KCND2: variants seen among roughly 807,000 people sequenced by gnomAD.
KCND2 encodes the protein A-type voltage-gated potassium channel KCND2.
In KCND2, 16 loss-of-function variants were observed where a neutral mutation model predicts 54.4. That is an observed-to-expected ratio of 0.29 (90% CI 0.20 to 0.45). The LOEUF is 0.45. KCND2 is among the 20% of genes least tolerant of loss of function. The pLI, the probability that KCND2 is intolerant of heterozygous loss-of-function variation, is 1.00. For missense variants in KCND2, 486 were observed against 824.2 expected, an observed-to-expected ratio of 0.59 and a Z score of 5.02; for synonymous variants, 317 against 310.7, an observed-to-expected ratio of 1.02 and a Z score of -0.21.
chr7:120,485,463 C>T (rs894029615), intron 1 of KCND2, among the ~76,000 whole-genome samples: 1 of 152,098 alleles, frequency 6.6e-6, no homozygotes, highest in South Asian at 2.1e-4. Context: ...TCTGCAGGTA[C>T]CTGGTAATGA....
chr7:120,614,421 G>C (rs1006040066), intron 1 of KCND2, among the ~76,000 whole-genome samples: 1 of 152,188 alleles, frequency 6.6e-6, no homozygotes, highest in Admixed American at 6.5e-5. Flanking sequence ...TTTGACCTCA[G>C]CTCCCCTTCA....
intron 1 of KCND2, among the ~76,000 whole-genome samples, chr7:120,593,447 T>C (rs1205488917): frequency 6.6e-6 from 1 of 152,028 alleles, no homozygotes; most frequent in Non-Finnish European, 1.5e-5. Flanking sequence ...TATCACAGAA[T>C]CCTATCAAAA....
intron 1 of KCND2, among the ~76,000 whole-genome samples, chr7:120,353,619 A>G (rs1174661210): frequency 6.6e-6 from 1 of 152,104 alleles, no homozygotes; most frequent in African/African-American, 2.4e-5. Flanking sequence ...TTGAAATAAG[A>G]CTATCTATAG....
At chr7:120,698,705 A>G (rs1792362374) in intron 1 of KCND2, among the ~76,000 whole-genome samples, 1 of 152,228 alleles carries the variant, frequency 6.6e-6, no homozygotes, top group Admixed American at 6.5e-5. Flanking sequence ...GCAAATCCTA[A>G]TGTCAGACCC....
At chr7:120,712,029 C>A (rs1792544746) in intron 1 of KCND2, among the ~76,000 whole-genome samples, 1 of 151,592 alleles carries the variant, frequency 6.6e-6, no homozygotes, top group Non-Finnish European at 1.5e-5. Flanking sequence ...TGCTTCCTTC[C>A]AATTTAAAAG....
intron 1 of KCND2, among the ~76,000 whole-genome samples, chr7:120,393,958 A>G (rs1008635566): frequency 6.6e-6 from 1 of 152,026 alleles, no homozygotes; most frequent in Non-Finnish European, 1.5e-5. Context: ...GATAAATTAT[A>G]TCAGGCAGAT....
At chr7:120,402,864 T>A (rs1801285303) in intron 1 of KCND2, among the ~76,000 whole-genome samples, 1 of 152,222 alleles carries the variant, frequency 6.6e-6, no homozygotes, top group Non-Finnish European at 1.5e-5. Flanking sequence ...AGATTAAACA[T>A]CTTCTTTTAA....
At chr7:120,605,023 T>C (rs1243533889) in intron 1 of KCND2, among the ~76,000 whole-genome samples, 1 of 152,244 alleles carries the variant, frequency 6.6e-6, no homozygotes, top group East Asian at 1.9e-4. Flanking sequence ...AGATTATTAC[T>C]ATTAATTAAT....
At chr7:120,634,797 G>A (rs898379775) in intron 1 of KCND2, among the ~76,000 whole-genome samples, 6 of 152,260 alleles carry the variant, frequency 3.9e-5, no homozygotes, top group African/African-American at 1.4e-4. Context: ...AAGTCCTGAT[G>A]AGGCTCCCAA....
intron 1 of KCND2, among the ~76,000 whole-genome samples, chr7:120,660,044 T>G (rs1791847579): frequency 6.6e-6 from 1 of 152,118 alleles, no homozygotes; most frequent in African/African-American, 2.4e-5. Context: ...GTGGGTGGGA[T>G]GTTATGGGTG....
chr7:120,561,902 G>A (rs1792239800), intron 1 of KCND2, among the ~76,000 whole-genome samples: 1 of 152,112 alleles, frequency 6.6e-6, no homozygotes, highest in Admixed American at 6.6e-5. Flanking sequence ...ATTCGCCACT[G>A]CACCCGGCCG....
At chr7:120,524,695 T>G (rs914541354) in intron 1 of KCND2, among the ~76,000 whole-genome samples, 1 of 152,206 alleles carries the variant, frequency 6.6e-6, no homozygotes, top group African/African-American at 2.4e-5. Context: ...TTTTGGCAAT[T>G]TTAAGTTAGC....
chr7:120,486,101 C>G (rs1263512711), intron 1 of KCND2, among the ~76,000 whole-genome samples: 2 of 151,992 alleles, frequency 1.3e-5, no homozygotes, highest in African/African-American at 4.8e-5. Context: ...CTTTGGTGGG[C>G]ACAACCCTTA....
chr7:120,486,615 A>G (rs368100680), intron 1 of KCND2, among the ~76,000 whole-genome samples: 1 of 152,160 alleles, frequency 6.6e-6, no homozygotes. Context: ...AACAAAGGGG[A>G]TGCATTAAAA....
intron 1 of KCND2, among the ~76,000 whole-genome samples, chr7:120,722,555 G>GTTAAT: frequency 6.6e-6 from 1 of 152,126 alleles, no homozygotes; most frequent in Non-Finnish European, 1.5e-5. Flanking sequence ...AGATAAATAG[G>GTTAAT]TGGCAAAATT....
intron 1 of KCND2, among the ~76,000 whole-genome samples, chr7:120,516,521 G>A (rs901385041): frequency 4.2e-4 from 64 of 152,056 alleles, no homozygotes; most frequent in African/African-American, 1.5e-3. Context: ...ATGAACTGAA[G>A]AAAGAGGCTT....
intron 1 of KCND2, among the ~76,000 whole-genome samples, chr7:120,435,065 T>C (rs2116175517): frequency 6.6e-6 from 1 of 151,558 alleles, no homozygotes; most frequent in African/African-American, 2.4e-5. Flanking sequence ...ATTTTAAAAC[T>C]AGCATATAGA....
At chr7:120,746,450 ACTGT>A (rs750584110) in intron 5 of KCND2, among the ~76,000 whole-genome samples, 19 of 152,164 alleles carry the variant, frequency 1.2e-4, no homozygotes, top group African/African-American at 3.1e-4. Context: ...ATACAAACAC[ACTGT>A]CTGTAACAGT....
intron 1 of KCND2, among the ~76,000 whole-genome samples, chr7:120,443,628 G>A (rs911521473): frequency 6.6e-6 from 1 of 151,780 alleles, no homozygotes; most frequent in Non-Finnish European, 1.5e-5. Flanking sequence ...GTCTGATCAT[G>A]CCATTCCTCA....
Sources: gnomAD v4.1 joint callset for allele counts (sites outside exome capture counted in the v4.1 genomes callset) on GRCh38, gnomAD v4.1.1 for gene constraint, MANE v1.5 for transcripts, NCBI Gene and HGNC (gene_info 2026-07-23, HGNC 2026-07-21) for gene names.